The following NCKAP5 variants were observed in gnomAD, a reference collection of about 807,000 sequenced individuals.
NCKAP5 encodes nck-associated protein 5.
In NCKAP5, 92 loss-of-function variants were observed where a neutral mutation model predicts 167.0. The observed-to-expected ratio is 0.55, with a 90% CI of 0.47 to 0.66. NCKAP5 has a LOEUF of 0.66. NCKAP5 is among the 30% of genes least tolerant of loss of function. The pLI is 0.00. For missense variants in NCKAP5, 2,378 were observed against 2,315.0 expected (o/e 1.03, Z -0.56); for synonymous variants, 891 against 877.4 (o/e 1.02, Z -0.27).
chr2:132,904,708 T>C (rs1693880773), intron 8 of NCKAP5, among the ~76,000 whole-genome samples: 1 of 152,200 alleles, frequency 6.6e-6, no homozygotes, highest in African/African-American at 2.4e-5. Flanking sequence ...TATCCTCTTT[T>C]CTTATTTCAC....
chr2:133,634,741 T>C, the NCKAP5 span, among the ~76,000 whole-genome samples: 2 of 152,184 alleles, frequency 1.3e-5, no homozygotes, highest in Admixed American at 1.3e-4. Context: ...AAATTTGAAT[T>C]TTAGATAAAC....
chr2:133,193,716 T>G (rs1382583867), intron 5 of NCKAP5, among the ~76,000 whole-genome samples: 1 of 151,958 alleles, frequency 6.6e-6, no homozygotes, highest in East Asian at 1.9e-4. Flanking sequence ...CTCTGAGGAG[T>G]CTTGGTGAGT....
intron 15 of NCKAP5, among the ~76,000 whole-genome samples, chr2:132,775,481 C>T (rs1411441392): frequency 6.6e-6 from 1 of 152,234 alleles, no homozygotes; most frequent in African/African-American, 2.4e-5. Context: ...TTTCTTTCCC[C>T]TTCAGCTGTC....
chr2:132,699,484 C>G (rs1477429515), intron 19 of NCKAP5, among the ~76,000 whole-genome samples: 1 of 151,954 alleles, frequency 6.6e-6, no homozygotes, highest in Non-Finnish European at 1.5e-5. Flanking sequence ...CCCCACTCCC[C>G]CCTCCCCACG....
chr2:133,224,155 C>A (rs1001845347), intron 4 of NCKAP5, among the ~76,000 whole-genome samples: 1 of 152,136 alleles, frequency 6.6e-6, no homozygotes, highest in South Asian at 2.1e-4. Flanking sequence ...TCGAATGACA[C>A]CCACATTTTC....
the NCKAP5 span, among the ~76,000 whole-genome samples, chr2:133,593,756 G>C: frequency 6.6e-6 from 1 of 152,206 alleles, no homozygotes; most frequent in Non-Finnish European, 1.5e-5. Context: ...TGTGATTATG[G>C]AGAATTCTTC....
chr2:132,970,261 A>G (rs941885152), intron 7 of NCKAP5, among the ~76,000 whole-genome samples: 3 of 152,220 alleles, frequency 2.0e-5, no homozygotes, highest in Admixed American at 1.3e-4. Context: ...TCCTTTGCCA[A>G]TTAAGAATCT....
At chr2:133,276,193 A>G (rs1301120151) in intron 4 of NCKAP5, among the ~76,000 whole-genome samples, 1 of 152,170 alleles carries the variant, frequency 6.6e-6, no homozygotes. Flanking sequence ...ACTTTCTTGT[A>G]AGACTGCAGT....
intron 4 of NCKAP5, among the ~76,000 whole-genome samples, chr2:133,239,821 A>G (rs1454342453): frequency 6.6e-6 from 1 of 152,212 alleles, no homozygotes; most frequent in African/African-American, 2.4e-5. Flanking sequence ...CACTTGTTCC[A>G]TTTTTAAGAA....
chr2:133,279,532 T>A (rs183798310), intron 4 of NCKAP5, among the ~76,000 whole-genome samples: 5 of 152,340 alleles, frequency 3.3e-5, no homozygotes, highest in Non-Finnish European at 4.4e-5. Context: ...TTGTCCAATA[T>A]ACTTTTTTTT....
intron 8 of NCKAP5, among the ~76,000 whole-genome samples, chr2:132,934,895 T>C (rs1460954505): frequency 1.3e-5 from 2 of 152,226 alleles, no homozygotes; most frequent in Non-Finnish European, 2.9e-5. Flanking sequence ...ATAAAAGTCA[T>C]AGGATTGGTC....
chr2:132,790,613 T>C lies in NCKAP5; in HGVS notation c.910-408A>G, dbSNP rs1341353999. Among the ~76,000 whole-genome samples the C allele has an allele frequency of 2.6e-5, 4 of 152,314 alleles. No homozygotes were observed. The East Asian group carries it at 5.8e-4, about 22-fold the overall frequency. ...GTTAAAAAATCCTGTCGAACTACCC[T>C]AAGCTGCAGATTGTCTGTATGGTAT... On this transcript the variant is annotated intron_variant, in intron 12 of 19. Transcript: ENST00000409261.
At position 132,732,014 on chromosome 2, in the gene NCKAP5, G is replaced by T. The variant is rs755420816; in HGVS notation, c.5166C>A (p.Ile1722=). 1 of 1,613,702 alleles carries T rather than the reference G, an allele frequency of 6.2e-7. No homozygotes were observed. The change falls in exon 17 of 20, where the codon ATC becomes ATA. Residue 1722 remains isoleucine, a synonymous_variant. Coordinates refer to ENST00000409261, the MANE Select transcript of NCKAP5 (RefSeq NM_207363.3). ...CCGAGTCTGGGAGTGGAAAGGTTCC[G>T]ATCCCACTGTCCAATGTTCTCATCT... ...NCQMRTLDSG[I]GTFPLPDSGN...
intron 2 of NCKAP5, among the ~76,000 whole-genome samples, chr2:133,556,601 C>T (rs1335290980): frequency 6.6e-6 from 1 of 152,206 alleles, no homozygotes; most frequent in Non-Finnish European, 1.5e-5. Flanking sequence ...TCTTCCTTAG[C>T]AAGTGCAGAT....
intron 5 of NCKAP5, among the ~76,000 whole-genome samples, chr2:133,133,469 C>T (rs2082681122): frequency 6.6e-6 from 1 of 152,140 alleles, no homozygotes. Flanking sequence ...AATCGCTGCA[C>T]CAGAACACAA....
At chr2:133,118,822 G>C (rs1476150) in intron 6 of NCKAP5, 74,214 of 151,746 alleles carry the variant, frequency 0.49, 18,987 homozygotes, top group African/African-American at 0.66. Flanking sequence ...GCAATTATAA[G>C]TTGATGGTGG....
chr2:133,422,515 T>G (rs1281401109), intron 3 of NCKAP5, among the ~76,000 whole-genome samples: 1 of 152,148 alleles, frequency 6.6e-6, no homozygotes, highest in Non-Finnish European at 1.5e-5. Context: ...AAAGGAAGTG[T>G]CTGTGACCCA....
chr2:132,860,596 A>T lies in NCKAP5; in HGVS notation c.703T>A (p.Cys235Ser). 1 of 1,575,358 alleles carries T rather than the reference A, an allele frequency of 6.3e-7. No individual in the cohort carries two copies. ...AACACTCTTGTTTTCAACTTCACAC[A>T]TTCCTCTCTTAGATCCTACAACAAA... is the stretch of plus-strand genomic sequence containing the variant. The part of the protein sequence containing the change: ...LLTQKDLREE[C>S]VKLKTRVFDL... The change falls in exon 11 of 20, where the codon TGT becomes AGT. Residue 235 changes from cysteine to serine, a missense_variant. This residue lies in a region of NCKAP5 where 1,049 missense variants were observed against 1,023.4 expected (regional missense o/e 1.02). Transcript: ENST00000409261.
chr2:132,985,601 CTT>C (rs2077265415), intron 7 of NCKAP5, among the ~76,000 whole-genome samples: 1 of 152,142 alleles, frequency 6.6e-6, no homozygotes, highest in Admixed American at 6.6e-5. Context: ...TAAGCACACA[CTT>C]TGGTTATGAG....
Sources: gnomAD v4.1 joint callset for allele counts (sites outside exome capture counted in the v4.1 genomes callset) on GRCh38, gnomAD v4.1.1 for gene constraint, gnomAD v4.1.1 regional missense constraint, MANE v1.5 for transcripts, NCBI Gene and HGNC (gene_info 2026-07-23, HGNC 2026-07-21) for gene names.